The following RPA2 variants were observed in gnomAD, a reference collection of about 807,000 sequenced individuals.
RPA2 encodes the protein replication protein A2.
Under a neutral mutation model 33.4 loss-of-function variants are expected in RPA2, and 22 were observed. The ratio of observed to expected loss-of-function variants is 0.66; its 90% confidence interval spans 0.47 to 0.94. The LOEUF is 0.94. RPA2 is among the 40% of genes least tolerant of loss of function. The pLI is 0.00. For synonymous variants in RPA2, 109 were observed against 114.9 expected (o/e 0.95, Z 0.33); for missense variants, 279 against 329.9 (o/e 0.85, Z 1.19).
intron 2 of RPA2, among the ~76,000 whole-genome samples, chr1:27,912,914 C>T (rs2090116494): frequency 6.6e-6 from 1 of 152,176 alleles, no homozygotes; most frequent in Admixed American, 6.5e-5. Flanking sequence ...AGTAAAGCAG[C>T]ACGGCAACGG....
At chr1:27,914,005 G>T in intron 2 of RPA2, 58 bp downstream of exon 2, 2 of 1,461,844 alleles carry the variant, frequency 1.4e-6, no homozygotes, top group Non-Finnish European at 1.8e-6. Context: ...TTCTGTCATA[G>T]ATGACTCAGG....
intron 2 of RPA2, among the ~76,000 whole-genome samples, chr1:27,908,071 G>T (rs545931168): frequency 6.6e-6 from 1 of 152,094 alleles, no homozygotes; most frequent in Non-Finnish European, 1.5e-5. Flanking sequence ...GACCTCAGGT[G>T]ATCTGCCCAC....
chr1:27,907,029 C>CTAT lies in RPA2; in HGVS notation c.231_232insATA (p.Val77_Gly78insIle). ...GCCTTCTCTGCATGTCTGATGATCC[C>CTAT]CACAATAGTGACCTAGGTTAGAAGA... On this transcript the variant is annotated inframe_insertion, in exon 4 of 9. Transcript: ENST00000373912. The CTAT allele has an allele frequency of 3.1e-6, 5 of 1,610,460 alleles. No homozygotes were observed. The highest frequency in any genetic ancestry group is 4.2e-6 in the Non-Finnish European group (5 of 1,178,788).
chr1:27,891,991 A>T lies in RPA2; in HGVS notation c.*172T>A. 1 of 539,038 alleles carries T rather than the reference A, an allele frequency of 1.9e-6. No individual in the cohort carries two copies. Among genetic ancestry groups the T allele is most frequent in the Non-Finnish European group, 3.3e-6 (1 of 299,856 alleles). The allele number at this position is 539,038 out of a possible 1,614,324, so 33.4% of individuals were successfully genotyped here. A position where few individuals can be genotyped will look rare whatever the true frequency, so the allele number is the denominator to read the frequency against. ...CCCATCTCCCTCTGAGCTTCAAACA[A>T]AACAAAATAAAACAGAAGAGCAGTA... On this transcript the variant is annotated 3_prime_UTR_variant, in exon 9 of 9. Coordinates refer to ENST00000373912, the MANE Select transcript of RPA2 (RefSeq NM_002946.5).
intron 4 of RPA2, among the ~76,000 whole-genome samples, chr1:27,906,638 G>T (rs917866093): frequency 6.6e-6 from 1 of 152,102 alleles, no homozygotes; most frequent in Non-Finnish European, 1.5e-5. Context: ...GTAGTGAGCC[G>T]AGATTCCACC....
intron 4 of RPA2, 114 bp from the exon 5 acceptor site, chr1:27,897,821 A>T: frequency 1.6e-6 from 1 of 624,898 alleles, no homozygotes; most frequent in Non-Finnish European, 2.5e-6. Context: ...GAGTTAAAGG[A>T]TCCTAAAATG....
intron 2 of RPA2, 79 bp from the exon 3 acceptor site, chr1:27,907,361 C>T (rs2148660246): frequency 1.8e-6 from 2 of 1,088,740 alleles, no homozygotes; most frequent in South Asian, 2.9e-5. Context: ...GTGCCAAGTA[C>T]TTTAAATATA....
chr1:27,892,486 A>G (rs2089837258), intron 8 of RPA2, among the ~76,000 whole-genome samples: 1 of 152,208 alleles, frequency 6.6e-6, no homozygotes, highest in Admixed American at 6.6e-5. Flanking sequence ...CCTCTCCCAA[A>G]TTGTGCAAAG....
Position 27,892,209 on chromosome 1 carries a change from T to C in RPA2, c.767A>G (p.Tyr256Cys), listed in dbSNP as rs2089832890. The part of the protein sequence containing the change: ...VDFLSNEGHI[Y>C]STVDDDHFKS... ...AAAATGGTCATCATCCACAGTAGAA[T>C]AGATGTGCCCCTCATTGCTCAGAAA... The change falls in exon 9 of 9, where the codon TAT becomes TGT. Residue 256 changes from tyrosine to cysteine, a missense_variant. Tyr to Cys is a radical substitution (Grantham distance 194). Coordinates refer to ENST00000373912, the MANE Select transcript of RPA2 (RefSeq NM_002946.5). 6.2e-7 allele frequency: 1 copy of C among 1,613,374 alleles called. No individual in the cohort carries two copies. The highest frequency in any genetic ancestry group is 8.5e-7 in the Non-Finnish European group (1 of 1,179,720).
At position 27,897,102 on chromosome 1, in the gene RPA2, G is replaced by A. The variant is rs1420687764; in HGVS notation, c.428C>T (p.Ala143Val). 1.9e-6 allele frequency: 3 copies of A among 1,610,930 alleles called. No homozygotes were observed. The highest frequency in any genetic ancestry group is 1.7e-6 in the Non-Finnish European group (2 of 1,179,076). The change falls in exon 6 of 9, where the codon GCC (alanine) becomes GTC (valine). Residue 143 changes from alanine to valine, a missense_variant. Ala to Val is a moderately conservative substitution (Grantham distance 64). Transcript: ENST00000373912. ...RSFQNKKSLV[A>V]FKIMPLEDMN... ...ATCCTCCAGGGGCATGATCTTAAAG[G>A]CTACCAGGCTCTTTTTGTTCTATTA... is the stretch of plus-strand genomic sequence containing the variant.
chr1:27,912,817 T>C (rs2090115494), intron 2 of RPA2, among the ~76,000 whole-genome samples: 1 of 152,164 alleles, frequency 6.6e-6, no homozygotes, highest in African/African-American at 2.4e-5. Context: ...AGTCTCACAA[T>C]GACATTTTAA....
chr1:27,892,242 G>A lies in RPA2; in HGVS notation c.734C>T (p.Ala245Val). ...KHMSVSSIKQ[A>V]VDFLSNEGHI... Reference sequence around the variant, plus strand: ...CCCCTCATTGCTCAGAAAATCCACAGCTTGCCTAGAAAGAAAGAAGAAAAA... The same window carrying A: ...CCCCTCATTGCTCAGAAAATCCACAACTTGCCTAGAAAGAAAGAAGAAAAA... Residue 245 changes from alanine (A) to valine (V), a missense_variant, in exon 9 of 9, where the codon GCT (alanine) becomes GTT (valine). Transcript: ENST00000373912. The A allele has an allele frequency of 6.2e-7, 1 of 1,611,122 alleles. No homozygotes were observed. The highest frequency in any genetic ancestry group is 2.2e-5 in the East Asian group (1 of 44,862).
At chr1:27,913,449 G>A (rs111246173) in intron 2 of RPA2, among the ~76,000 whole-genome samples, 1 of 151,450 alleles carries the variant, frequency 6.6e-6, no homozygotes, top group African/African-American at 2.4e-5. Flanking sequence ...TTAGCCGGGC[G>A]TGGTGGCACA....
chr1:27,897,478 A>G (rs930111043), intron 5 of RPA2, among the ~76,000 whole-genome samples, 155 bp downstream of exon 5: 2 of 152,164 alleles, frequency 1.3e-5, no homozygotes, highest in Admixed American at 6.5e-5. Flanking sequence ...GTTAAAAAAA[A>G]AAAAAAGAAA....
At chr1:27,901,212 T>C (rs540922768) in intron 4 of RPA2, among the ~76,000 whole-genome samples, 4 of 152,228 alleles carry the variant, frequency 2.6e-5, no homozygotes, top group Non-Finnish European at 4.4e-5. Context: ...TTTCAAGAAA[T>C]TGCCACAGCC....
At chr1:27,909,716 G>C (rs1373729134) in intron 2 of RPA2, among the ~76,000 whole-genome samples, 2 of 135,532 alleles carry the variant, frequency 1.5e-5, no homozygotes, top group African/African-American at 2.7e-5. Context: ...CTCAAAAAGA[G>C]AAAAAAAAAA....
At chr1:27,906,819 A>T in intron 4 of RPA2, 109 bp downstream of exon 4, 1 of 694,686 alleles carries the variant, frequency 1.4e-6, no homozygotes, top group Admixed American at 3.0e-5. Context: ...TCTGTCTTTG[A>T]TGTCTTTTTG....
intron 4 of RPA2, among the ~76,000 whole-genome samples, chr1:27,898,386 A>C (rs1330921843): frequency 6.6e-6 from 1 of 152,214 alleles, no homozygotes; most frequent in Non-Finnish European, 1.5e-5. Flanking sequence ...CTGCCTGGAA[A>C]AACAAGTCAT....
rs2090138440 is a variant in RPA2, at chr1:27,914,177, GAAC to G, written c.11-11_11-9del. On this transcript the variant is annotated splice_polypyrimidine_tract_variant and intron_variant, in intron 1 of 8. Transcript: ENST00000373912. ...CATAGCTTTCGAATCCACCTGTTTT[GAAC>G]AACAGGATTAGTGCCTGTGCCACGT... is the stretch of plus-strand genomic sequence containing the variant. 3 of 1,613,572 alleles carry G rather than the reference GAAC, an allele frequency of 1.9e-6. No individual in the cohort carries two copies. Among genetic ancestry groups the G allele is most frequent in the East Asian group, 4.5e-5 (2 of 44,810 alleles).
Sources: allele counts gnomAD v4.1 joint callset (sites outside exome capture counted in the v4.1 genomes callset), GRCh38; gene constraint gnomAD v4.1.1; transcripts MANE v1.5; gene names NCBI Gene and HGNC (gene_info 2026-07-23, HGNC 2026-07-21).